The following EPHA6 variants were observed in gnomAD, a reference collection of about 807,000 sequenced individuals.
The protein encoded by EPHA6 is EPH receptor A6, also known as ephrin type-A receptor 6.
Under a neutral mutation model 112.0 loss-of-function variants are expected in EPHA6, and 50 were observed. That is an observed-to-expected ratio of 0.45 (90% CI 0.36 to 0.56). The LOEUF (loss-of-function observed/expected upper bound fraction) is 0.56, where lower values mean the gene tolerates loss of function less well. EPHA6 is among the 20% of genes least tolerant of loss of function. The pLI is 0.00. For missense variants in EPHA6, 1,280 were observed against 1,417.4 expected, an observed-to-expected ratio of 0.90 and a Z score of 1.56; for synonymous variants, 529 against 490.7, an observed-to-expected ratio of 1.08 and a Z score of -1.03.
chr3:96,937,457 T>C (rs1165598644), intron 2 of EPHA6, among the ~76,000 whole-genome samples: 1 of 132,122 alleles, frequency 7.6e-6, no homozygotes, highest in East Asian at 2.2e-4. Context: ...TGGGGTTGTT[T>C]GTTTTTTCTT....
At position 97,536,912 on chromosome 3, in the gene EPHA6, C is replaced by T. The variant is rs1362524752; in HGVS notation, c.2386+4369C>T. Among the ~76,000 whole-genome samples, 8 of 152,218 alleles carry T rather than the reference C, an allele frequency of 5.3e-5. No individual in the cohort carries two copies. The South Asian group carries it at 1.2e-3, about 24-fold the overall frequency. Reference sequence around the variant, plus strand: ...TTAGACTAGAAAACATTAAAGGTCACATTTACCTTTAATATTTTGTGATTC... The same window carrying T: ...TTAGACTAGAAAACATTAAAGGTCATATTTACCTTTAATATTTTGTGATTC... On this transcript the variant is annotated intron_variant, in intron 11 of 17. Coordinates refer to ENST00000389672, the MANE Select transcript of EPHA6 (RefSeq NM_001080448.3).
At chr3:97,478,225 A>G (rs1449376332) in intron 8 of EPHA6, among the ~76,000 whole-genome samples, 1 of 152,110 alleles carries the variant, frequency 6.6e-6, no homozygotes, top group African/African-American at 2.4e-5. Flanking sequence ...TTATTTTTTC[A>G]TAGAGTATTT....
At chr3:97,086,653 C>T (rs969060232) in intron 3 of EPHA6, among the ~76,000 whole-genome samples, 2 of 151,872 alleles carry the variant, frequency 1.3e-5, no homozygotes, top group African/African-American at 4.8e-5. Context: ...TAATTTTTAA[C>T]ATTCAGTGGT....
intron 4 of EPHA6, among the ~76,000 whole-genome samples, chr3:97,230,346 A>G (rs900330792): frequency 1.3e-5 from 2 of 152,166 alleles, no homozygotes; most frequent in African/African-American, 4.8e-5. Flanking sequence ...TATGAATGTG[A>G]TAAGCTTGTC....
chr3:96,984,059 C>A (rs774428549), intron 2 of EPHA6, among the ~76,000 whole-genome samples: 4 of 152,170 alleles, frequency 2.6e-5, no homozygotes, highest in African/African-American at 4.8e-5. Flanking sequence ...AACTCGTCAA[C>A]GTCATTCTCC....
chr3:97,583,690 T>C (rs1005497351), intron 11 of EPHA6, among the ~76,000 whole-genome samples: 1 of 152,220 alleles, frequency 6.6e-6, no homozygotes, highest in Non-Finnish European at 1.5e-5. Context: ...AGACTCAATA[T>C]TATTCAGATG....
chr3:97,017,278 T>A (rs1022502355), intron 3 of EPHA6, among the ~76,000 whole-genome samples: 1 of 151,772 alleles, frequency 6.6e-6, no homozygotes, highest in Admixed American at 6.6e-5. Context: ...TGGCTCAGAG[T>A]GAGAATCTGT....
intron 3 of EPHA6, among the ~76,000 whole-genome samples, chr3:97,025,451 G>T (rs1295167734): frequency 1.3e-5 from 2 of 152,050 alleles, no homozygotes; most frequent in Non-Finnish European, 2.9e-5. Flanking sequence ...TGTTCATTCT[G>T]TTAACAGTTT....
chr3:97,673,845 C>G (rs1252769238), intron 14 of EPHA6, among the ~76,000 whole-genome samples: 2 of 152,216 alleles, frequency 1.3e-5, no homozygotes, highest in East Asian at 3.8e-4. Context: ...GAATGTCTAA[C>G]AAAAACTGCC....
At chr3:97,404,627 TC>T (rs970241839) in intron 5 of EPHA6, among the ~76,000 whole-genome samples, 1 of 152,140 alleles carries the variant, frequency 6.6e-6, no homozygotes, top group African/African-American at 2.4e-5. Flanking sequence ...TTGTTTAATG[TC>T]ACAGAAACTA....
intron 10 of EPHA6, among the ~76,000 whole-genome samples, chr3:97,495,419 T>C (rs935252076): frequency 1.1e-4 from 16 of 151,738 alleles, no homozygotes; most frequent in Non-Finnish European, 1.5e-5. Context: ...CTAGAATATA[T>C]GATATATTCT....
At chr3:96,818,056 T>C (rs1259086929) in intron 1 of EPHA6, among the ~76,000 whole-genome samples, 1 of 151,982 alleles carries the variant, frequency 6.6e-6, no homozygotes, top group Non-Finnish European at 1.5e-5. Flanking sequence ...ATCTCTCTCA[T>C]AGTCAATTAA....
intron 5 of EPHA6, among the ~76,000 whole-genome samples, chr3:97,324,696 G>A (rs1052644371): frequency 6.6e-6 from 1 of 151,506 alleles, no homozygotes; most frequent in Non-Finnish European, 1.5e-5. Context: ...CTGCCACCAC[G>A]CCCAGCTCAT....
chr3:97,312,097 A>G (rs1278760900), intron 5 of EPHA6, among the ~76,000 whole-genome samples: 1 of 151,560 alleles, frequency 6.6e-6, no homozygotes, highest in Non-Finnish European at 1.5e-5. Flanking sequence ...TGTTGCTAGC[A>G]TATAGAAATA....
chr3:97,465,692 A>G (rs1192401443), intron 7 of EPHA6, among the ~76,000 whole-genome samples: 1 of 151,954 alleles, frequency 6.6e-6, no homozygotes, highest in Non-Finnish European at 1.5e-5. Flanking sequence ...AAAGAAATAT[A>G]CTTGGGTCCA....
chr3:96,847,040 C>A (rs1169325096), intron 1 of EPHA6, among the ~76,000 whole-genome samples: 1 of 151,922 alleles, frequency 6.6e-6, no homozygotes, highest in Non-Finnish European at 1.5e-5. Context: ...TAGGGTGGAC[C>A]CCAGCCTTGG....
chr3:96,951,651 A>G (rs1246157996), intron 2 of EPHA6, among the ~76,000 whole-genome samples: 1 of 152,178 alleles, frequency 6.6e-6, no homozygotes, highest in Non-Finnish European at 1.5e-5. Context: ...TTATGGTCCA[A>G]TATAGACCTG....
intron 14 of EPHA6, among the ~76,000 whole-genome samples, chr3:97,663,685 T>C (rs545175986): frequency 1.9e-4 from 29 of 152,290 alleles, no homozygotes; most frequent in Non-Finnish European, 3.4e-4. Flanking sequence ...TATGGCTGCA[T>C]AGTATTCCAT....
At chr3:96,822,542 G>A (rs140721362) in intron 1 of EPHA6, among the ~76,000 whole-genome samples, 3 of 151,750 alleles carry the variant, frequency 2.0e-5, no homozygotes, top group South Asian at 2.1e-4. Flanking sequence ...TGTAAAAGAC[G>A]TACTTTTTGA....
Sources: allele counts gnomAD v4.1 joint callset (sites outside exome capture counted in the v4.1 genomes callset), GRCh38; gene constraint gnomAD v4.1.1; transcripts MANE v1.5; gene names NCBI Gene and HGNC (gene_info 2026-07-23, HGNC 2026-07-21).